BMPR1B: variants seen among roughly 807,000 people sequenced by gnomAD.
BMPR1B encodes bone morphogenetic protein receptor type-1B.
BMPR1B carries 12 observed loss-of-function variants against 59.1 expected under a neutral mutation model. That is an observed-to-expected ratio of 0.20 (90% CI 0.13 to 0.33). The LOEUF is 0.33. Among genes scored for constraint, BMPR1B ranks in the 10% least tolerant of loss-of-function variants. The pLI is 1.00. For synonymous variants in BMPR1B, 237 were observed against 207.3 expected (o/e 1.14, Z -1.23); for missense variants, 550 against 610.9 (o/e 0.90, Z 1.05).
At chr4:94,841,436 C>T (rs532390370) in intron 1 of BMPR1B, among the ~76,000 whole-genome samples, 18 of 152,046 alleles carry the variant, frequency 1.2e-4, no homozygotes, top group Non-Finnish European at 1.8e-4. Flanking sequence ...TAGGACCCTC[C>T]GAGCCAGGTG....
chr4:95,065,088 G>A (rs376732509), intron 3 of BMPR1B, among the ~76,000 whole-genome samples: 42 of 152,184 alleles, frequency 2.8e-4, no homozygotes, highest in South Asian at 2.1e-3. Context: ...TCATAGCAGC[G>A]TTATAGGTAA....
At chr4:94,845,260 A>G (rs1424199998) in intron 1 of BMPR1B, among the ~76,000 whole-genome samples, 3 of 152,134 alleles carry the variant, frequency 2.0e-5, no homozygotes, top group Admixed American at 6.6e-5. Flanking sequence ...TCGGTTCAAT[A>G]TCAGGCAGTT....
At chr4:94,892,862 G>A (rs1727451949) in intron 2 of BMPR1B, among the ~76,000 whole-genome samples, 1 of 152,058 alleles carries the variant, frequency 6.6e-6, no homozygotes, top group Non-Finnish European at 1.5e-5. Flanking sequence ...TCAATGGTAT[G>A]TGAATGTACT....
intron 2 of BMPR1B, among the ~76,000 whole-genome samples, chr4:94,932,035 A>C (rs1729112399): frequency 1.3e-5 from 2 of 152,162 alleles, no homozygotes; most frequent in South Asian, 4.1e-4. Flanking sequence ...CATGCCAGGA[A>C]GCCAAAAAGT....
intron 1 of BMPR1B, among the ~76,000 whole-genome samples, chr4:94,788,955 C>T (rs28450092): frequency 0.56 from 85,179 of 151,936 alleles, 24,065 homozygotes; most frequent in Middle Eastern, 0.71. Context: ...CACATCTATC[C>T]CAGCCTCCCC....
intron 1 of BMPR1B, among the ~76,000 whole-genome samples, chr4:94,775,591 A>G (rs1461045397): frequency 1.3e-5 from 2 of 152,206 alleles, no homozygotes; most frequent in South Asian, 2.1e-4. Flanking sequence ...TTTCCCTTGG[A>G]TGAATTATGA....
chr4:95,148,585 T>C (rs1007364086), intron 10 of BMPR1B, among the ~76,000 whole-genome samples, 163 bp from the exon 11 acceptor site: 12 of 152,222 alleles, frequency 7.9e-5, no homozygotes, highest in Admixed American at 6.5e-4. Flanking sequence ...AAATATTTAA[T>C]ATAGCTTTTG....
intron 2 of BMPR1B, among the ~76,000 whole-genome samples, chr4:94,946,416 C>T (rs1211983462): frequency 6.6e-6 from 1 of 152,062 alleles, no homozygotes; most frequent in African/African-American, 2.4e-5. Flanking sequence ...TTTTATATAT[C>T]ACTTAACTAG....
chr4:95,079,090 A>G (rs548896569), intron 3 of BMPR1B, among the ~76,000 whole-genome samples: 4 of 152,280 alleles, frequency 2.6e-5, no homozygotes, highest in African/African-American at 9.6e-5. Flanking sequence ...TGAAAATTGT[A>G]TGTCAGAAGG....
chr4:94,801,318 C>A (rs1429610772), intron 1 of BMPR1B, among the ~76,000 whole-genome samples: 1 of 152,156 alleles, frequency 6.6e-6, no homozygotes, highest in Admixed American at 6.5e-5. Context: ...GGAAACTATT[C>A]CTCTCAGCTA....
At chr4:94,770,574 GA>G (rs1398796108) in intron 1 of BMPR1B, among the ~76,000 whole-genome samples, 2 of 151,936 alleles carry the variant, frequency 1.3e-5, no homozygotes, top group African/African-American at 4.8e-5. Flanking sequence ...TCACATGCTG[GA>G]AAAACTTAGT....
At chr4:94,798,907 T>G (rs1416288481) in intron 1 of BMPR1B, among the ~76,000 whole-genome samples, 1 of 151,824 alleles carries the variant, frequency 6.6e-6, no homozygotes, top group Non-Finnish European at 1.5e-5. Context: ...TGTTGCTCTT[T>G]CAGAAAGCAG....
intron 10 of BMPR1B, among the ~76,000 whole-genome samples, chr4:95,147,359 GTATT>G (rs1171847275): frequency 6.6e-6 from 1 of 152,160 alleles, no homozygotes; most frequent in Non-Finnish European, 1.5e-5. Flanking sequence ...ATGACACCAT[GTATT>G]TCATGTTGTA....
intron 2 of BMPR1B, among the ~76,000 whole-genome samples, chr4:94,918,683 A>G (rs796257760): frequency 2.4e-5 from 2 of 83,814 alleles, no homozygotes; most frequent in Admixed American, 1.9e-4. Context: ...GACACTGTTT[A>G]AAAAAAAAAA....
At chr4:94,821,118 A>G (rs1000815568) in intron 1 of BMPR1B, among the ~76,000 whole-genome samples, 2 of 152,220 alleles carry the variant, frequency 1.3e-5, no homozygotes, top group African/African-American at 4.8e-5. Context: ...TCTCTTTAAT[A>G]TGCTTTAAAG....
chr4:95,102,898 T>C (rs567669742), intron 3 of BMPR1B, among the ~76,000 whole-genome samples: 2 of 152,170 alleles, frequency 1.3e-5, no homozygotes, highest in African/African-American at 4.8e-5. Context: ...GAGATCTTGT[T>C]GAATATGCAC....
intron 2 of BMPR1B, among the ~76,000 whole-genome samples, chr4:94,938,443 T>C (rs1413588934): frequency 6.6e-6 from 1 of 151,676 alleles, no homozygotes; most frequent in Non-Finnish European, 1.5e-5. Context: ...TGCAGTGAGC[T>C]GAGGTTGTAC....
intron 6 of BMPR1B, among the ~76,000 whole-genome samples, chr4:95,121,095 A>C (rs1732490932): frequency 6.6e-6 from 1 of 152,240 alleles, no homozygotes; most frequent in African/African-American, 2.4e-5. Context: ...GGCGTGAGCC[A>C]CTGTGCCCAG....
chr4:94,855,304 T>A (rs1725713418), intron 1 of BMPR1B, among the ~76,000 whole-genome samples: 1 of 152,198 alleles, frequency 6.6e-6, no homozygotes, highest in South Asian at 2.1e-4. Flanking sequence ...ATATCTTCAT[T>A]TGATAGAAAA....
Sources: gnomAD v4.1 joint callset for allele counts (sites outside exome capture counted in the v4.1 genomes callset) on GRCh38, gnomAD v4.1.1 for gene constraint, MANE v1.5 for transcripts, NCBI Gene and HGNC (gene_info 2026-07-23, HGNC 2026-07-21) for gene names.